Variants in MAP3K5 observed in about 807,000 individuals in gnomAD.
MAP3K5 encodes mitogen-activated protein kinase kinase kinase 5, also known as ASK-1.
MAP3K5 carries 56 observed loss-of-function variants against 158.7 expected under a neutral mutation model. That is an observed-to-expected ratio of 0.35 (90% CI 0.28 to 0.44). The LOEUF is 0.44. Among genes scored for constraint, MAP3K5 ranks in the 20% least tolerant of loss-of-function variants. MAP3K5 has a pLI of 1.00. For synonymous variants in MAP3K5, 579 were observed against 601.7 expected, an observed-to-expected ratio of 0.96 and a Z score of 0.55; for missense variants, 1,294 against 1,674.8, an observed-to-expected ratio of 0.77 and a Z score of 3.97.
chr6:136,663,233 T>G (rs147411255), intron 8 of MAP3K5, among the ~76,000 whole-genome samples: 3,683 of 152,306 alleles, frequency 0.024, 63 homozygotes, highest in Middle Eastern at 0.054. Context: ...AGATCCTTTT[T>G]AATTTTCCAT....
chr6:136,730,548 C>T (rs572942062), intron 1 of MAP3K5, among the ~76,000 whole-genome samples: 3 of 151,838 alleles, frequency 2.0e-5, no homozygotes, highest in South Asian at 4.2e-4. Flanking sequence ...AGTAAAACCC[C>T]GTCTCCACTA....
chr6:136,622,583 A>G (rs1277565880), intron 15 of MAP3K5, among the ~76,000 whole-genome samples: 1 of 152,180 alleles, frequency 6.6e-6, no homozygotes, highest in Non-Finnish European at 1.5e-5. Flanking sequence ...ATCTATTCAC[A>G]TAATACATCC....
intron 23 of MAP3K5, among the ~76,000 whole-genome samples, chr6:136,591,415 C>T (rs1317451505): frequency 6.6e-6 from 1 of 152,200 alleles, no homozygotes; most frequent in Non-Finnish European, 1.5e-5. Flanking sequence ...GCTCTGGCCA[C>T]CCATGGCCTT....
chr6:136,783,220 T>C (rs533749662), intron 1 of MAP3K5, among the ~76,000 whole-genome samples: 1 of 151,598 alleles, frequency 6.6e-6, no homozygotes, highest in East Asian at 1.9e-4. Context: ...GAGGTTGCAG[T>C]TGGAGCCGAA....
chr6:136,728,502 A>G (rs749579898), intron 1 of MAP3K5, among the ~76,000 whole-genome samples: 20 of 152,174 alleles, frequency 1.3e-4, no homozygotes, highest in Non-Finnish European at 2.2e-4. Flanking sequence ...AAGGTCTTGA[A>G]CTGGTCACAG....
intron 8 of MAP3K5, among the ~76,000 whole-genome samples, chr6:136,665,951 G>A (rs1779212826): frequency 6.6e-6 from 1 of 152,070 alleles, no homozygotes; most frequent in Non-Finnish European, 1.5e-5. Context: ...TTCTTTTACT[G>A]TATCATCATT....
chr6:136,582,263 C>CGT (rs61451347), intron 24 of MAP3K5, among the ~76,000 whole-genome samples: 5,726 of 137,998 alleles, frequency 0.041, 135 homozygotes, highest in African/African-American at 0.049. Context: ...TGTGTGTATA[C>CGT]GTGTGTGTGT....
At chr6:136,623,055 C>A in intron 14 of MAP3K5, 74 bp from the exon 15 acceptor site, 2 of 1,457,666 alleles carry the variant, frequency 1.4e-6, no homozygotes, top group South Asian at 1.2e-5. Context: ...AATTTTTTTC[C>A]AAGAGCATTA....
intron 1 of MAP3K5, among the ~76,000 whole-genome samples, chr6:136,761,886 GC>G (rs1004983463): frequency 3.3e-5 from 5 of 152,166 alleles, no homozygotes; most frequent in Non-Finnish European, 2.9e-5. Context: ...CCACTGAATG[GC>G]CCACTTGAGA....
At position 136,561,576 on chromosome 6, in the gene MAP3K5, T is replaced by G. The variant is rs1183844612; in HGVS notation, c.3944A>C (p.Asp1315Ala). The G allele has an allele frequency of 5.0e-6, 8 of 1,614,044 alleles. No homozygotes were observed. The highest frequency in any genetic ancestry group is 6.8e-6 in the Non-Finnish European group (8 of 1,179,894). ...ATCAGCTCCATTCACTCTCAGCCAG[T>G]CGGTAAGTTCAGAATCTTCAGTATT... ...GTNTEDSELTDWLRVNGADED... is the reference protein window; with the variant it reads ...GTNTEDSELTAWLRVNGADED... The change falls in exon 28 of 30, where the codon GAC (aspartate) becomes GCC (alanine). Residue 1315 changes from aspartate to alanine, a missense_variant. Transcript: ENST00000359015.
chr6:136,694,022 T>C, intron 7 of MAP3K5, 118 bp downstream of exon 7: 1 of 718,062 alleles, frequency 1.4e-6, no homozygotes, highest in South Asian at 2.4e-5. Context: ...ATCTAAGGTT[T>C]AGTTCATAAT....
In MAP3K5 at chr6:136,673,072, C is replaced by G. The variant is rs563174752; in HGVS notation, c.1254-3677G>C. Among the ~76,000 whole-genome samples, 581 of 151,672 alleles carry G rather than the reference C, an allele frequency of 3.8e-3. 5 individuals carry two copies. The highest frequency in any genetic ancestry group is 5.7e-3 in the Non-Finnish European group (384 of 67,910). ...AATAAAGAGCTAAACACAAAACTCT[C>G]AAGGACAGATAAGAAATCTCCGACA... On this transcript the variant is annotated intron_variant, in intron 7 of 29. Transcript: ENST00000359015.
At chr6:136,724,916 G>T (rs1182804575) in intron 1 of MAP3K5, among the ~76,000 whole-genome samples, 1 of 152,056 alleles carries the variant, frequency 6.6e-6, no homozygotes, top group Non-Finnish European at 1.5e-5. Context: ...CCCTCATGCT[G>T]CCCTTTTGAG....
intron 1 of MAP3K5, among the ~76,000 whole-genome samples, chr6:136,758,282 A>G (rs1400080798): frequency 1.3e-5 from 2 of 152,266 alleles, no homozygotes; most frequent in Admixed American, 6.5e-5. Context: ...AAAAAATTAC[A>G]TAACAAAGCC....
intron 1 of MAP3K5, among the ~76,000 whole-genome samples, chr6:136,757,191 A>G (rs1287702609): frequency 6.6e-6 from 1 of 152,230 alleles, no homozygotes; most frequent in Non-Finnish European, 1.5e-5. Flanking sequence ...GCCACGTGCA[A>G]TAATCAAGAG....
chr6:136,713,891 T>C (rs988012053), intron 2 of MAP3K5, among the ~76,000 whole-genome samples: 6 of 152,194 alleles, frequency 3.9e-5, no homozygotes, highest in Non-Finnish European at 8.8e-5. Flanking sequence ...AGTTCACAAA[T>C]TGTGAGACCA....
chr6:136,610,461 T>C (rs1338996496), intron 18 of MAP3K5, among the ~76,000 whole-genome samples: 2 of 151,922 alleles, frequency 1.3e-5, no homozygotes, highest in East Asian at 3.9e-4. Context: ...ATTGAAATCC[T>C]AGGGTTATTT....
Position 136,585,469 on chromosome 6 carries a change from TTTTCTTTA to T in MAP3K5, c.3226-1737_3226-1730del, listed in dbSNP as rs1191634024. 9.8e-4 allele frequency among the ~76,000 whole-genome samples: 129 copies of T among 131,524 alleles called. 3 individuals are homozygous for T. Among genetic ancestry groups the T allele is most frequent in the Middle Eastern group, 3.8e-3 (1 of 264 alleles). 86.3% of individuals were successfully genotyped at this position (131,524 alleles called of 152,430 possible). Reference sequence around the variant, plus strand: ...AAGGCATATTGCTTCCTTTCTTTTCTTTTCTTTATTTATTTATTTATTTATTTATTTAT... The same window carrying T: ...AAGGCATATTGCTTCCTTTCTTTTCTTTTATTTATTTATTTATTTATTTAT... On this transcript the variant is annotated intron_variant, in intron 23 of 29. Coordinates refer to ENST00000359015, the MANE Select transcript of MAP3K5 (RefSeq NM_005923.4).
Position 136,712,486 on chromosome 6 carries a change from C to T in MAP3K5, c.589-7353G>A, listed in dbSNP as rs1781349761. Reference sequence around the variant, plus strand: ...GCCTAACAGAGCTTCTTAACACAAACTTCACTTTATACTGTGTTGCTATTA... The same window carrying T: ...GCCTAACAGAGCTTCTTAACACAAATTTCACTTTATACTGTGTTGCTATTA... On this transcript the variant is annotated intron_variant, in intron 2 of 29. Coordinates refer to ENST00000359015, the MANE Select transcript of MAP3K5 (RefSeq NM_005923.4). Among the ~76,000 whole-genome samples the T allele has an allele frequency of 2.0e-5, 3 of 152,178 alleles. No homozygotes were observed. The South Asian group carries it at 6.2e-4, about 31-fold the overall frequency.
Sources: allele counts gnomAD v4.1 joint callset (sites outside exome capture counted in the v4.1 genomes callset), GRCh38; gene constraint gnomAD v4.1.1; transcripts MANE v1.5; gene names NCBI Gene and HGNC (gene_info 2026-07-23, HGNC 2026-07-21).